HHIP: variants seen among roughly 807,000 people sequenced by gnomAD.
The protein encoded by HHIP is hedgehog-interacting protein.
HHIP carries 12 observed loss-of-function variants against 74.0 expected under a neutral mutation model. That is an observed-to-expected ratio of 0.16 (90% CI 0.10 to 0.26). HHIP has a LOEUF of 0.26. Ranked by LOEUF, HHIP falls within the 10% of genes least tolerant of loss-of-function variation. The pLI, the probability that HHIP is intolerant of heterozygous loss-of-function variation, is 1.00. For missense variants in HHIP, 788 were observed against 845.0 expected (o/e 0.93, Z 0.84); for synonymous variants, 309 against 311.6 (o/e 0.99, Z 0.09).
At chr4:144,696,065 T>C (rs1729809578) in intron 4 of HHIP, among the ~76,000 whole-genome samples, 1 of 151,878 alleles carries the variant, frequency 6.6e-6, no homozygotes, top group Non-Finnish European at 1.5e-5. Context: ...AACAACTGAA[T>C]GTGAGAAGAG....
chr4:144,652,502 C>CTAAAT (rs1728450174), intron 1 of HHIP, 103 bp from the exon 2 acceptor site: 3 of 704,610 alleles, frequency 4.3e-6, no homozygotes, highest in African/African-American at 1.8e-5. Flanking sequence ...ACTTCATTGG[C>CTAAAT]TAAATTAGAC....
In HHIP at chr4:144,742,853, A is replaced by G. The variant is rs1731290001; in HGVS notation, c.*4896A>G. On this transcript the variant is annotated 3_prime_UTR_variant, in exon 13 of 13. Transcript: ENST00000296575. ...TTTGGTTATATATATATCTTTATATATATATCTTATATATATATCTTTTTA... is the reference window on the plus strand; with the variant it reads ...TTTGGTTATATATATATCTTTATATGTATATCTTATATATATATCTTTTTA... The G allele has an allele frequency of 7.2e-6, 1 of 138,260 alleles. No homozygotes were observed. The highest frequency in any genetic ancestry group is 2.9e-5 in the African/African-American group (1 of 34,854). 8.6% of individuals were successfully genotyped at this position (138,260 alleles called of 1,614,324 possible). A position where few individuals can be genotyped will look rare whatever the true frequency, so the allele number is the denominator to read the frequency against.
At chr4:144,699,642 G>A (rs1057062527) in intron 4 of HHIP, among the ~76,000 whole-genome samples, 1 of 151,992 alleles carries the variant, frequency 6.6e-6, no homozygotes, top group Non-Finnish European at 1.5e-5. Flanking sequence ...TATAAAATCA[G>A]GTGTGATTAA....
intron 4 of HHIP, among the ~76,000 whole-genome samples, chr4:144,663,202 T>C (rs1213395086): frequency 5.9e-5 from 9 of 152,056 alleles, no homozygotes; most frequent in Admixed American, 3.9e-4. Flanking sequence ...GGCAAGAGAA[T>C]CACTTGAACT....
Position 144,738,323 on chromosome 4 carries a change from C to T in HHIP, c.*366C>T. On this transcript the variant is annotated 3_prime_UTR_variant, in exon 13 of 13. Transcript: ENST00000296575. ...ATTTTCTGTCTGTAATCACTAAAGT[C>T]AACTTTAATAGAGTTTTGAAACAGT... 2 of 981,020 alleles carry T rather than the reference C, an allele frequency of 2.0e-6. No homozygotes were observed. The highest frequency in any genetic ancestry group is 2.4e-6 in the Non-Finnish European group (2 of 825,212). The allele number at this position is 981,020 out of a possible 1,614,324, so 60.8% of individuals were successfully genotyped here.
intron 4 of HHIP, among the ~76,000 whole-genome samples, chr4:144,678,867 G>T (rs1729249981): frequency 6.6e-6 from 1 of 152,172 alleles, no homozygotes; most frequent in Non-Finnish European, 1.5e-5. Context: ...TGTCTTTATA[G>T]TAGCATGATT....
In HHIP at chr4:144,741,627, C is replaced by G. The variant is rs1228319251; in HGVS notation, c.*3670C>G. ...AAACTCCAGACTTCAAGTGATCCAG[C>G]CCCCCAGGCCTCCCAAAGTGCTAGG... On this transcript the variant is annotated 3_prime_UTR_variant, in exon 13 of 13. Transcript: ENST00000296575. 6.6e-6 allele frequency: 1 copy of G among 151,662 alleles called. No individual in the cohort carries two copies. Among genetic ancestry groups the G allele is most frequent in the Non-Finnish European group, 1.5e-5 (1 of 68,030 alleles). 9.4% of individuals were successfully genotyped at this position (151,662 alleles called of 1,614,324 possible).
intron 6 of HHIP, among the ~76,000 whole-genome samples, chr4:144,707,632 T>A (rs1228800781): frequency 4.1e-4 from 3 of 7,300 alleles, no homozygotes; most frequent in Admixed American, 2.3e-3. Flanking sequence ...TGACAAAAAT[T>A]AAGAGAACAG....
At chr4:144,689,796 ATTATT>A (rs573541538) in intron 4 of HHIP, among the ~76,000 whole-genome samples, 4 of 152,032 alleles carry the variant, frequency 2.6e-5, no homozygotes, top group Middle Eastern at 3.4e-3. Flanking sequence ...TTCTAGGTAA[ATTATT>A]TTATTTTATT....
At position 144,743,789 on chromosome 4, in the gene HHIP, G is replaced by A. The variant is rs1334520412; in HGVS notation, c.*5832G>A. 6.6e-6 allele frequency: 1 copy of A among 152,008 alleles called. No individual in the cohort carries two copies. Among genetic ancestry groups the A allele is most frequent in the Non-Finnish European group, 1.5e-5 (1 of 67,970 alleles). The allele number at this position is 152,008 out of a possible 1,614,324, so 9.4% of individuals were successfully genotyped here. On this transcript the variant is annotated 3_prime_UTR_variant, in exon 13 of 13. Transcript: ENST00000296575. Reference sequence around the variant, plus strand: ...TTCATAATGGCTAAATATGAAATAAGCTTTGTCTTTGCAGTTACAAACTAA... The same window carrying A: ...TTCATAATGGCTAAATATGAAATAAACTTTGTCTTTGCAGTTACAAACTAA...
chr4:144,732,487 GT>G (rs953786232), intron 11 of HHIP, among the ~76,000 whole-genome samples: 5 of 152,130 alleles, frequency 3.3e-5, no homozygotes, highest in Non-Finnish European at 5.9e-5. Flanking sequence ...GTGAAAAGTA[GT>G]CAAAGCATCA....
intron 4 of HHIP, among the ~76,000 whole-genome samples, chr4:144,663,748 T>A (rs1728781158): frequency 6.6e-6 from 1 of 152,194 alleles, no homozygotes; most frequent in Non-Finnish European, 1.5e-5. Flanking sequence ...CTGTTTTTGT[T>A]CCATTTTGGA....
intron 11 of HHIP, among the ~76,000 whole-genome samples, chr4:144,725,106 A>G (rs190883590): frequency 3.9e-5 from 6 of 152,144 alleles, no homozygotes; most frequent in Non-Finnish European, 8.8e-5. Context: ...TTATACTTTT[A>G]TAGTAAATTA....
At chr4:144,683,648 C>T (rs146888280) in intron 4 of HHIP, among the ~76,000 whole-genome samples, 1 of 152,290 alleles carries the variant, frequency 6.6e-6, no homozygotes, top group Non-Finnish European at 1.5e-5. Context: ...TCAGGCTTGA[C>T]AATCTACGGA....
chr4:144,648,704 T>C (rs1728339306), intron 1 of HHIP: 1 of 152,190 alleles, frequency 6.6e-6, no homozygotes, highest in African/African-American at 2.4e-5. Flanking sequence ...ACCCCTGCAA[T>C]ACTCAACTCT....
intron 4 of HHIP, among the ~76,000 whole-genome samples, chr4:144,700,987 T>C (rs900966323): frequency 6.6e-6 from 1 of 152,076 alleles, no homozygotes; most frequent in Non-Finnish European, 1.5e-5. Context: ...GAGGGTCCCA[T>C]TTTAGTCCCA....
chr4:144,684,811 T>A (rs1340678588), intron 4 of HHIP, among the ~76,000 whole-genome samples: 2 of 152,176 alleles, frequency 1.3e-5, no homozygotes, highest in Non-Finnish European at 2.9e-5. Flanking sequence ...TGCTTCTGAT[T>A]GTATTCTGTA....
intron 4 of HHIP, among the ~76,000 whole-genome samples, chr4:144,677,060 T>C (rs760416827): frequency 1.3e-5 from 2 of 152,186 alleles, no homozygotes; most frequent in Non-Finnish European, 2.9e-5. Context: ...GTCTCTTCTG[T>C]GGTAAACAGC....
intron 4 of HHIP, among the ~76,000 whole-genome samples, chr4:144,699,961 A>G (rs762194020): frequency 2.0e-5 from 3 of 152,212 alleles, no homozygotes; most frequent in Non-Finnish European, 4.4e-5. Flanking sequence ...AAAATAACAC[A>G]GTTTTAATCA....
Sources: allele counts gnomAD v4.1 joint callset (sites outside exome capture counted in the v4.1 genomes callset), GRCh38; gene constraint gnomAD v4.1.1; transcripts MANE v1.5; gene names NCBI Gene and HGNC (gene_info 2026-07-23, HGNC 2026-07-21).